The following CDC42BPA variants were observed in gnomAD, a reference collection of about 807,000 sequenced individuals.
The protein encoded by CDC42BPA is CDC42 binding protein kinase alpha, also known as serine/threonine-protein kinase MRCK alpha.
Under a neutral mutation model 223.5 loss-of-function variants are expected in CDC42BPA, and 80 were observed. The ratio of observed to expected loss-of-function variants is 0.36; its 90% CI spans 0.30 to 0.43. The LOEUF is 0.43. CDC42BPA is among the 20% of genes least tolerant of loss of function. The pLI is 1.00. For missense variants in CDC42BPA, 1,743 were observed against 2,099.9 expected, an observed-to-expected ratio of 0.83 and a Z score of 3.32; for synonymous variants, 694 against 718.6, an observed-to-expected ratio of 0.97 and a Z score of 0.55.
chr1:227,056,540 A>G (rs1476375502), intron 21 of CDC42BPA, among the ~76,000 whole-genome samples: 1 of 152,078 alleles, frequency 6.6e-6, no homozygotes, highest in East Asian at 1.9e-4. Flanking sequence ...GGCATGTGCC[A>G]CTATGCCTGG....
chr1:227,167,555 T>C (rs780949980), intron 5 of CDC42BPA, among the ~76,000 whole-genome samples: 4 of 152,204 alleles, frequency 2.6e-5, no homozygotes, highest in Non-Finnish European at 4.4e-5. Flanking sequence ...CCCAGAAGCA[T>C]AATTTCCATT....
At position 227,040,097 on chromosome 1, in the gene CDC42BPA, G is replaced by A. The variant is rs180779931; in HGVS notation, c.3199+34C>T. ...AACTTATTTGATTACAATTTAGATA[G>A]TGAAGTCACATTTTCTTTCCTTTGT... On this transcript the variant is annotated intron_variant, in intron 24 of 36. Transcript: ENST00000366766. The A allele has an allele frequency of 5.0e-6, 6 of 1,195,492 alleles. No homozygotes were observed. The East Asian group carries it at 7.0e-5, about 14-fold the overall frequency. The allele number at this position is 1,195,492 out of a possible 1,614,324, so 74.1% of individuals were successfully genotyped here.
chr1:227,190,378 C>T (rs966458567), intron 5 of CDC42BPA, among the ~76,000 whole-genome samples: 1 of 152,176 alleles, frequency 6.6e-6, no homozygotes, highest in African/African-American at 2.4e-5. Flanking sequence ...TTTTAGATGA[C>T]ATCTGAATCA....
chr1:227,302,152 G>C (rs1372683639), intron 1 of CDC42BPA, among the ~76,000 whole-genome samples: 5 of 152,064 alleles, frequency 3.3e-5, no homozygotes, highest in African/African-American at 1.2e-4. Context: ...ACTCTCTCCT[G>C]CATTGTATCT....
intron 34 of CDC42BPA, among the ~76,000 whole-genome samples, chr1:227,008,521 ACT>A (rs1180177782): frequency 6.6e-6 from 1 of 152,330 alleles, no homozygotes; most frequent in East Asian, 1.9e-4. Context: ...AGAACTGGAA[ACT>A]GAGTTCCCAG....
intron 2 of CDC42BPA, among the ~76,000 whole-genome samples, chr1:227,248,370 C>A (rs1681365592): frequency 6.6e-6 from 1 of 152,072 alleles, no homozygotes; most frequent in Non-Finnish European, 1.5e-5. Context: ...ACTCCACACA[C>A]ACACACAAAA....
At chr1:227,039,378 T>C (rs1251554428) in intron 24 of CDC42BPA, among the ~76,000 whole-genome samples, 2 of 152,200 alleles carry the variant, frequency 1.3e-5, no homozygotes, top group Non-Finnish European at 2.9e-5. Context: ...CACAAGCTTT[T>C]TGAAGTCCCC....
rs375636003 is a variant in CDC42BPA at position 227,034,723 on chromosome 1, A to G, written c.3408T>C (p.Phe1136=). 5.0e-6 allele frequency: 8 copies of G among 1,613,696 alleles called. No individual in the cohort carries two copies. Among genetic ancestry groups the G allele is most frequent in the African/African-American group, 2.7e-5 (2 of 74,924 alleles). ...ALAIVCDFKL[F]LYDIAEGKAS... The stretch of plus-strand genomic sequence containing the variant: ...CTTTTCCTTCAGCAATATCGTACAG[A>G]AAGAGTTTGAAGTCACACACTATAG... The change falls in exon 26 of 37, where the codon TTT becomes TTC. Residue 1136 remains phenylalanine (F), a synonymous_variant. Coordinates refer to ENST00000366766, the MANE Select transcript of CDC42BPA (RefSeq NM_001394014.1).
intron 12 of CDC42BPA, among the ~76,000 whole-genome samples, chr1:227,118,431 A>G (rs1362135819): frequency 6.6e-6 from 1 of 152,172 alleles, no homozygotes; most frequent in African/African-American, 2.4e-5. Context: ...TGTGGAGAAA[A>G]ATCATTTTCT....
At chr1:227,072,355 G>C (rs1572630881) in intron 19 of CDC42BPA, 56 bp from the exon 20 acceptor site, 1 of 1,040,922 alleles carries the variant, frequency 9.6e-7, no homozygotes. Context: ...TGGTTAGTGA[G>C]CCATCTTGGA....
chr1:227,297,942 G>GTA (rs1690934453), intron 1 of CDC42BPA, among the ~76,000 whole-genome samples: 1 of 64,560 alleles, frequency 1.5e-5, no homozygotes, highest in South Asian at 6.9e-4. Flanking sequence ...TTTGTTTTAT[G>GTA]TGTGTGTGTG....
At chr1:227,241,181 C>T (rs1679953441) in intron 2 of CDC42BPA, among the ~76,000 whole-genome samples, 1 of 151,960 alleles carries the variant, frequency 6.6e-6, no homozygotes, top group Non-Finnish European at 1.5e-5. Flanking sequence ...ACTACATACC[C>T]ACTAGAATGG....
chr1:227,227,358 G>A (rs1276541841), intron 2 of CDC42BPA, among the ~76,000 whole-genome samples: 1 of 152,072 alleles, frequency 6.6e-6, no homozygotes, highest in Non-Finnish European at 1.5e-5. Flanking sequence ...AAAGAGGACT[G>A]GACTTCAATT....
At chr1:227,125,690 G>A (rs1223126071) in intron 11 of CDC42BPA, among the ~76,000 whole-genome samples, 1 of 150,266 alleles carries the variant, frequency 6.7e-6, no homozygotes, top group African/African-American at 2.4e-5. Flanking sequence ...CTCACACATT[G>A]TCAGTAGAAA....
At chr1:227,237,576 T>C (rs1419681597) in intron 2 of CDC42BPA, among the ~76,000 whole-genome samples, 3 of 152,218 alleles carry the variant, frequency 2.0e-5, no homozygotes, top group Non-Finnish European at 4.4e-5. Flanking sequence ...ACTATACCAA[T>C]AGTTTATTCA....
Position 227,139,692 on chromosome 1 carries a change from A to T in CDC42BPA, c.1274T>A (p.Leu425Gln), listed in dbSNP as rs946285449. The change falls in exon 10 of 37, where the codon CTG becomes CAG. Residue 425 changes from leucine to glutamine, a missense_variant. Physicochemically the swap from Leu to Gln is moderately radical, Grantham distance 113. Coordinates refer to ENST00000366766, the MANE Select transcript of CDC42BPA (RefSeq NM_001394014.1). ...CCTCTGAACATTAACATCAAGATCC[A>T]GTGAGGTGGGACCAGCCGTAACTCT... ...CLRVTAGPTS[L>Q]DLDVNVQRTL... is the part of the protein sequence containing the mutation. The T allele has an allele frequency of 3.1e-6, 5 of 1,606,798 alleles. No individual in the cohort carries two copies. Among genetic ancestry groups the T allele is most frequent in the Non-Finnish European group, 4.2e-6 (5 of 1,177,128 alleles).
At chr1:227,253,022 C>T (rs1682293660) in intron 2 of CDC42BPA, among the ~76,000 whole-genome samples, 1 of 152,126 alleles carries the variant, frequency 6.6e-6, no homozygotes, top group Admixed American at 6.5e-5. Context: ...ACTGAATGAA[C>T]ACTACAAAAC....
intron 19 of CDC42BPA, 56 bp from the exon 20 acceptor site, chr1:227,072,355 G>T: frequency 9.6e-7 from 1 of 1,040,922 alleles, no homozygotes. Flanking sequence ...TGGTTAGTGA[G>T]CCATCTTGGA....
At chr1:227,128,211 G>A (rs991287332) in intron 11 of CDC42BPA, among the ~76,000 whole-genome samples, 4 of 152,072 alleles carry the variant, frequency 2.6e-5, no homozygotes, top group African/African-American at 9.7e-5. Context: ...TTTTGCACCG[G>A]CTAGTCCTTC....
Sources: allele counts gnomAD v4.1 joint callset (sites outside exome capture counted in the v4.1 genomes callset), GRCh38; gene constraint gnomAD v4.1.1; transcripts MANE v1.5; gene names NCBI Gene and HGNC (gene_info 2026-07-23, HGNC 2026-07-21).